Variants in IK observed in about 807,000 individuals in gnomAD.
IK encodes the protein IK cytokine.
Under a neutral mutation model 90.9 loss-of-function variants are expected in IK, and 47 were observed. That is an observed-to-expected ratio of 0.52 (90% CI 0.41 to 0.66). The LOEUF is 0.66. Ranked by LOEUF, IK falls within the 30% of genes least tolerant of loss-of-function variation. The pLI, the probability that IK is intolerant of heterozygous loss-of-function variation, is 0.00. For synonymous variants in IK, 201 were observed against 227.5 expected (o/e 0.88, Z 1.05); for missense variants, 385 against 709.3 (o/e 0.54, Z 5.19).
rs1473597709 is a variant in IK at position 140,659,049 on chromosome 5, G to A, written c.1061G>A (p.Arg354His). 6 of 1,611,020 alleles carry A rather than the reference G, an allele frequency of 3.7e-6. No individual in the cohort carries two copies. The African/African-American group carries it at 4.0e-5, about 11-fold the overall frequency. The change falls in exon 12 of 20, where the codon CGT becomes CAT. Residue 354 changes from arginine (R) to histidine (H), a missense_variant. By Grantham distance (29) the Arg-to-His change is conservative (BLOSUM62 0). This residue lies in a region of IK where 139 missense variants were observed against 172.0 expected (regional missense o/e 0.81). Transcript: ENST00000417647. ...CGTGATCGGGAAAGAGACAGAGACC[G>A]TGACCGAGAGCGAGAGCGAGAACGA... ...RERDRERDRD[R>H]DRERERERDR...
In IK at chr5:140,660,177, C is replaced by T; in HGVS notation, c.1337C>T (p.Ala446Val). Residue 446 changes from alanine (A) to valine (V), a missense_variant, in exon 15 of 20, where the codon GCA becomes GTA. Physicochemically the swap from Ala to Val is moderately conservative, Grantham distance 64. Around this residue, in one of 8 missense-constraint regions of IK, gnomAD observed 23 missense variants for 115.2 expected, o/e 0.20. Transcript: ENST00000417647. ...GDFFGMSNSYAECYPATMDDM... is the reference protein window; with the variant it reads ...GDFFGMSNSYVECYPATMDDM... ...TTCTTTGGCATGTCCAACAGTTATG[C>T]AGAGTGCTACCCAGCCACGTATGTG... is the stretch of plus-strand genomic sequence containing the variant. 1 of 1,613,074 alleles carries T rather than the reference C, an allele frequency of 6.2e-7. No individual in the cohort carries two copies. The highest frequency in any genetic ancestry group is 8.5e-7 in the Non-Finnish European group (1 of 1,179,296).
Position 140,655,755 on chromosome 5 carries a change from A to T in IK, c.638-74A>T, listed in dbSNP as rs1379753056. The stretch of plus-strand genomic sequence containing the variant: ...TTGCATAGCACTTGGCATGGTGGCT[A>T]GCACAGAGTAAGCACATAAGTGACA... On this transcript the variant is annotated intron_variant, in intron 8 of 19. Coordinates refer to ENST00000417647, the MANE Select transcript of IK (RefSeq NM_006083.4). 2.7e-6 allele frequency: 4 copies of T among 1,479,064 alleles called. No homozygotes were observed. In the Admixed American group the frequency reaches 7.8e-5, roughly 29 times the overall value. 91.6% of individuals were successfully genotyped at this position (1,479,064 alleles called of 1,614,324 possible).
Position 140,660,292 on chromosome 5 carries a change from C to CTTTTTTTTTTTTTTTTTTTTTT in IK, c.1355+98_1355+119dup, listed in dbSNP as rs200714869. On this transcript the variant is annotated intron_variant, in intron 15 of 19. Coordinates refer to ENST00000417647, the MANE Select transcript of IK (RefSeq NM_006083.4). Reference sequence around the variant, plus strand: ...GATTCGCTAAGTCCCAGGGCTACTTCTTTTTTTTTTTTTTTTTTTTTTGGA... The same window carrying CTTTTTTTTTTTTTTTTTTTTTT: ...GATTCGCTAAGTCCCAGGGCTACTTCTTTTTTTTTTTTTTTTTTTTTTTTTTTTTTTTTTTTTTTTTTTTGGA... 2.2e-4 allele frequency: 62 copies of CTTTTTTTTTTTTTTTTTTTTTT among 283,144 alleles called. 12 individuals carry two copies. The highest frequency in any genetic ancestry group is 2.1e-3 in the African/African-American group (41 of 19,476). 17.5% of individuals were successfully genotyped at this position (283,144 alleles called of 1,614,324 possible).
Position 140,661,105 on chromosome 5 carries a change from G to T in IK, c.1413+290G>T. 2.7e-6 allele frequency: 1 copy of T among 375,724 alleles called. No individual in the cohort carries two copies. The highest frequency in any genetic ancestry group is 4.7e-6 in the Non-Finnish European group (1 of 211,474). 23.3% of individuals were successfully genotyped at this position (375,724 alleles called of 1,614,324 possible). A position where few individuals can be genotyped will look rare whatever the true frequency, so the allele number is the denominator to read the frequency against. On this transcript the variant is annotated intron_variant, in intron 16 of 19. Coordinates refer to ENST00000417647, the MANE Select transcript of IK (RefSeq NM_006083.4). This position sits in a 1 kb window ranked among gnomAD's most constrained non-coding sequence, Gnocchi z 4.2. ...GCAAGCATCAATGCATAAGTAGAAA[G>T]GGCAGAAAAAATTGCAGTCTTTGGA...
chr5:140,659,483 C>G (rs1452664412), intron 13 of IK, 150 bp downstream of exon 13: 1 of 834,516 alleles, frequency 1.2e-6, no homozygotes, highest in Non-Finnish European at 2.0e-6. Context: ...GGTGGAGTTC[C>G]CTCCACCTTC....
At chr5:140,654,831 T>G (rs1757679600) in intron 8 of IK, 104 bp downstream of exon 8, 1 of 781,292 alleles carries the variant, frequency 1.3e-6, no homozygotes, top group South Asian at 1.8e-5. Context: ...CCTCCTTTCT[T>G]CTTTCTTTCT....
At position 140,660,471 on chromosome 5, in the gene IK, T is replaced by TATTTTTAG. The variant is rs1757786108; in HGVS notation, c.1355+277_1356-279dup. 6 of 537,378 alleles carry TATTTTTAG rather than the reference T, an allele frequency of 1.1e-5. No homozygotes were observed. In the East Asian group the frequency reaches 1.9e-4, roughly 17 times the overall value. 33.3% of individuals were successfully genotyped at this position (537,378 alleles called of 1,614,324 possible). A position where few individuals can be genotyped will look rare whatever the true frequency, so the allele number is the denominator to read the frequency against. On this transcript the variant is annotated intron_variant, in intron 15 of 19. Coordinates refer to ENST00000417647, the MANE Select transcript of IK (RefSeq NM_006083.4). Reference sequence around the variant, plus strand: ...CATCACCACACCTGGCTAGTTTTTGTATTTTTAGTAGAGATGAGGTTTCAC... The same window carrying TATTTTTAG: ...CATCACCACACCTGGCTAGTTTTTGTATTTTTAGATTTTTAGTAGAGATGAGGTTTCAC...
chr5:140,652,283 T>C, intron 4 of IK, 136 bp downstream of exon 4: 6 of 678,070 alleles, frequency 8.8e-6, no homozygotes, highest in Non-Finnish European at 1.6e-5. Flanking sequence ...GAGTGATACT[T>C]AGAGTGGCAG....
chr5:140,661,984 C>T lies in IK; in HGVS notation c.1588C>T (p.Arg530Cys). 3 of 1,609,318 alleles carry T rather than the reference C, an allele frequency of 1.9e-6. No homozygotes were observed. The highest frequency in any genetic ancestry group is 1.1e-5 in the South Asian group (1 of 90,054). Residue 530 changes from arginine to cysteine, a missense_variant, in exon 18 of 20, where the codon CGC (arginine) becomes TGC (cysteine). By Grantham distance (180) the Arg-to-Cys change is radical (BLOSUM62 -3). Coordinates refer to ENST00000417647, the MANE Select transcript of IK (RefSeq NM_006083.4). This position sits in a 1 kb window ranked among gnomAD's most constrained non-coding sequence, Gnocchi z 4.2. ...KETNDKAELD[R>C]QWKKISAIIE... ...AACCAATGACAAAGCAGAGCTTGAT[C>T]GCCAGTGGAAGAAGATTAGTGCAGT...
intron 3 of IK, 78 bp from the exon 4 acceptor site, chr5:140,652,010 A>C (rs574134630): frequency 4.1e-4 from 482 of 1,163,864 alleles, no homozygotes; most frequent in Non-Finnish European, 6.0e-4. Context: ...GTCTTTCTAA[A>C]AATCCTCAAG....
chr5:140,660,542 CCCT>C (rs1274553272), intron 15 of IK: 1 of 548,768 alleles, frequency 1.8e-6, no homozygotes, highest in Non-Finnish European at 3.2e-6. Context: ...AGGTAATCTG[CCCT>C]CCTCAGCCTC....
intron 8 of IK, 115 bp downstream of exon 8, chr5:140,654,842 T>C (rs1757679784): frequency 1.3e-6 from 1 of 758,766 alleles, no homozygotes; most frequent in Non-Finnish European, 2.2e-6. Flanking sequence ...CTTTCTTTCT[T>C]TTTGAGACAG....
intron 16 of IK, 44 bp downstream of exon 16, chr5:140,660,859 T>G (rs572003148): frequency 6.8e-7 from 1 of 1,481,404 alleles, no homozygotes; most frequent in African/African-American, 1.4e-5. Context: ...GCAGTTATTA[T>G]TTGTTTTACA....
Position 140,660,904 on chromosome 5 carries a change from C to T in IK, c.1413+89C>T, listed in dbSNP as rs1028128707. ...TTCCCCACTCCTAAAAAATCTATCT[C>T]ATTTACTGGGCCCCACCCTCCTTTA... On this transcript the variant is annotated intron_variant, in intron 16 of 19. Coordinates refer to ENST00000417647, the MANE Select transcript of IK (RefSeq NM_006083.4). The T allele has an allele frequency of 2.2e-5, 22 of 1,004,606 alleles. No individual in the cohort carries two copies. The African/African-American group carries it at 3.0e-4, about 14-fold the overall frequency. The allele number at this position is 1,004,606 out of a possible 1,614,324, so 62.2% of individuals were successfully genotyped here.
chr5:140,653,165 G>T (rs760460469), intron 5 of IK, 21 bp downstream of exon 5: 1 of 1,604,654 alleles, frequency 6.2e-7, no homozygotes, highest in Non-Finnish European at 8.5e-7. Context: ...AGGGAACAGG[G>T]CATGGTTCCC....
At chr5:140,657,696 A>G (rs1300392808) in intron 10 of IK, 34 bp downstream of exon 10, 3 of 1,406,690 alleles carry the variant, frequency 2.1e-6, no homozygotes, top group Non-Finnish European at 3.0e-6. Context: ...AGCCTTACCC[A>G]CAGAGGACGT....
rs1327762206 is a variant in IK, at chr5:140,661,631, G to A, written c.1425G>A (p.Lys475=). Residue 475 remains lysine, a synonymous_variant, in exon 17 of 20, where the codon AAG becomes AAA. Coordinates refer to ENST00000417647, the MANE Select transcript of IK (RefSeq NM_006083.4). This position sits in a 1 kb window ranked among gnomAD's most constrained non-coding sequence, Gnocchi z 4.2. ...CTGTCCTGCAACAGGGTAACAAGAA[G>A]GGGCCCTTAGGCCGTTGGGACTTTG... ...DYSKMDQGNK[K]GPLGRWDFDT... is the part of the protein sequence containing the mutation. 6.2e-7 allele frequency: 1 copy of A among 1,607,194 alleles called. No homozygotes were observed. The highest frequency in any genetic ancestry group is 1.1e-5 in the South Asian group (1 of 89,560).
At chr5:140,648,328 C>A in intron 1 of IK, 143 bp from the exon 2 acceptor site, 1 of 795,068 alleles carries the variant, frequency 1.3e-6, no homozygotes, top group African/African-American at 1.7e-5. Context: ...CTTGTAGTTT[C>A]CTATTTCAGC....
chr5:140,651,112 T>C (rs959201819), intron 2 of IK, among the ~76,000 whole-genome samples: 2 of 152,156 alleles, frequency 1.3e-5, no homozygotes, highest in Non-Finnish European at 2.9e-5. Flanking sequence ...TCACACTTGA[T>C]TTATCAAACT....
Sources: allele counts gnomAD v4.1 joint callset (sites outside exome capture counted in the v4.1 genomes callset), GRCh38; gene constraint gnomAD v4.1.1; regional missense constraint gnomAD v4.1.1; non-coding constraint Gnocchi (gnomAD v3.1); transcripts MANE v1.5; gene names NCBI Gene and HGNC (gene_info 2026-07-23, HGNC 2026-07-21).